SPAG16: variants seen among roughly 807,000 people sequenced by gnomAD.
SPAG16 encodes the protein sperm associated antigen 16.
Under a neutral mutation model 80.4 loss-of-function variants are expected in SPAG16, and 86 were observed. The ratio of observed to expected loss-of-function variants is 1.07; its 90% CI spans 0.90 to 1.28. The LOEUF (loss-of-function observed/expected upper bound fraction) is 1.28. Among genes scored for constraint, SPAG16 ranks in the 50% most tolerant of loss-of-function variants. SPAG16 has a pLI of 0.00. For synonymous variants in SPAG16, 294 were observed against 265.9 expected, an observed-to-expected ratio of 1.11 and a Z score of -1.03; for missense variants, 870 against 765.3, an observed-to-expected ratio of 1.14 and a Z score of -1.61.
intron 15 of SPAG16, among the ~76,000 whole-genome samples, chr2:214,396,202 T>C (rs1397349379): frequency 6.6e-6 from 1 of 152,196 alleles, no homozygotes; most frequent in Non-Finnish European, 1.5e-5. Context: ...TAGTCCTTTA[T>C]GAGGTATGTC....
At chr2:213,886,839 T>C (rs938192260) in intron 11 of SPAG16, among the ~76,000 whole-genome samples, 1 of 152,012 alleles carries the variant, frequency 6.6e-6, no homozygotes, top group East Asian at 1.9e-4. Flanking sequence ...TGAAGATGAC[T>C]AAAACCATTT....
chr2:214,373,816 C>T (rs1254461277), intron 15 of SPAG16, among the ~76,000 whole-genome samples: 3 of 152,160 alleles, frequency 2.0e-5, no homozygotes, highest in East Asian at 1.9e-4. Flanking sequence ...TTTACTTTCT[C>T]ATAGCAACAG....
intron 15 of SPAG16, among the ~76,000 whole-genome samples, chr2:214,353,964 A>T (rs1416274584): frequency 6.6e-6 from 1 of 152,070 alleles, no homozygotes; most frequent in African/African-American, 2.4e-5. Flanking sequence ...GTCTCTTCCC[A>T]TTCATGCTCC....
intron 12 of SPAG16, among the ~76,000 whole-genome samples, chr2:214,003,377 T>C (rs549170838): frequency 1.3e-5 from 2 of 152,360 alleles, no homozygotes; most frequent in African/African-American, 2.4e-5. Flanking sequence ...CAATTCTTGA[T>C]GATCTAAGTT....
At position 213,620,281 on chromosome 2, in the gene SPAG16, G is replaced by GTTTT. The variant is rs36059669; in HGVS notation, c.1070+130217_1070+130220dup. Among the ~76,000 whole-genome samples, 805 of 82,824 alleles carry GTTTT rather than the reference G, an allele frequency of 9.7e-3. 146 individuals carry two copies. The highest frequency in any genetic ancestry group is 0.04 in the African/African-American group (754 of 18,970). 54.3% of individuals were successfully genotyped at this position (82,824 alleles called of 152,430 possible). A position where few individuals can be genotyped will look rare whatever the true frequency, so the allele number is the denominator to read the frequency against. On this transcript the variant is annotated intron_variant, in intron 10 of 15. Coordinates refer to ENST00000331683, the MANE Select transcript of SPAG16 (RefSeq NM_024532.5). ...AATGTAGTTAACAATAATTTATTGA[G>GTTTT]TTTTTTTTTTTTTTTTTTTTTTTTT... is the stretch of plus-strand genomic sequence containing the variant.
At position 213,696,781 on chromosome 2, in the gene SPAG16, A is replaced by C. The variant is rs907827658; in HGVS notation, c.1071-165704A>C. ...ATAAGAACTATTTCAACTGAATTGG[A>C]GTCATTTGAGGAGAGAATGGGAGGT... On this transcript the variant is annotated intron_variant, in intron 10 of 15. Coordinates refer to ENST00000331683, the MANE Select transcript of SPAG16 (RefSeq NM_024532.5). 5.9e-5 allele frequency among the ~76,000 whole-genome samples: 9 copies of C among 152,106 alleles called. 1 individual carries two copies. The highest frequency in any genetic ancestry group is 2.0e-4 in the Admixed American group (3 of 15,268).
chr2:214,324,634 C>A (rs567091518), intron 15 of SPAG16, among the ~76,000 whole-genome samples: 2 of 152,024 alleles, frequency 1.3e-5, no homozygotes, highest in Non-Finnish European at 2.9e-5. Context: ...TGCCAACCCA[C>A]GTCTGTGTAG....
intron 12 of SPAG16, among the ~76,000 whole-genome samples, chr2:213,989,062 G>A (rs2046157738): frequency 6.6e-6 from 1 of 152,034 alleles, no homozygotes; most frequent in South Asian, 2.1e-4. Flanking sequence ...TGCTGGGTCA[G>A]GTTGTGGGAT....
At chr2:213,576,521 C>T (rs184122603) in intron 10 of SPAG16, among the ~76,000 whole-genome samples, 8 of 152,144 alleles carry the variant, frequency 5.3e-5, no homozygotes, top group East Asian at 3.9e-4. Context: ...GTTGTATGCA[C>T]GCATATGTTC....
intron 10 of SPAG16, among the ~76,000 whole-genome samples, chr2:213,687,657 TG>T (rs1232936018): frequency 2.6e-5 from 4 of 152,216 alleles, no homozygotes; most frequent in African/African-American, 4.8e-5. Flanking sequence ...TAAAGGCATA[TG>T]TTTTTTTGTC....
At chr2:213,731,440 G>A (rs1419478758) in intron 10 of SPAG16, among the ~76,000 whole-genome samples, 16 of 149,912 alleles carry the variant, frequency 1.1e-4, no homozygotes, top group Non-Finnish European at 1.2e-4. Context: ...GATTACAGGC[G>A]TGAGCCACCA....
At chr2:213,842,572 A>G (rs537677590) in intron 10 of SPAG16, among the ~76,000 whole-genome samples, 1 of 149,180 alleles carries the variant, frequency 6.7e-6, no homozygotes, top group African/African-American at 2.4e-5. Context: ...TGCCAAACTA[A>G]CATTTTGTTT....
chr2:213,733,330 G>A (rs1042503921), intron 10 of SPAG16, among the ~76,000 whole-genome samples: 4 of 150,308 alleles, frequency 2.7e-5, no homozygotes, highest in African/African-American at 9.8e-5. Context: ...CACATTTTTT[G>A]TTGTGACAGG....
chr2:213,388,500 G>T (rs1030866280), intron 9 of SPAG16, among the ~76,000 whole-genome samples: 2 of 152,182 alleles, frequency 1.3e-5, no homozygotes, highest in African/African-American at 4.8e-5. Flanking sequence ...ATAGGTGGAG[G>T]CTCAGAAAAG....
intron 10 of SPAG16, among the ~76,000 whole-genome samples, chr2:213,544,187 G>A (rs1246978988): frequency 6.6e-6 from 1 of 151,004 alleles, no homozygotes; most frequent in Non-Finnish European, 1.5e-5. Flanking sequence ...TAACTTCTTT[G>A]ACTTTATCTT....
rs17700988 is a variant in SPAG16, at chr2:213,487,746, T to A, written c.943-2217T>A. Among the ~76,000 whole-genome samples the A allele has an allele frequency of 8.5e-3, 1,299 of 152,266 alleles. 15 individuals carry two copies. Among genetic ancestry groups the A allele is most frequent in the Middle Eastern group, 0.027 (8 of 294 alleles). On this transcript the variant is annotated intron_variant, in intron 9 of 15. Coordinates refer to ENST00000331683, the MANE Select transcript of SPAG16 (RefSeq NM_024532.5). The stretch of plus-strand genomic sequence containing the variant: ...GTTTAACAATGCTTATAAAAATTGC[T>A]GTGTTTATGGTTTCAGATATTTTCA...
At chr2:214,212,895 A>G (rs1388521927) in intron 15 of SPAG16, among the ~76,000 whole-genome samples, 5 of 152,226 alleles carry the variant, frequency 3.3e-5, no homozygotes. Flanking sequence ...TGCACAGCAC[A>G]CTAGAACATG....
chr2:214,104,716 T>C (rs1445617945), intron 13 of SPAG16, among the ~76,000 whole-genome samples: 1 of 152,154 alleles, frequency 6.6e-6, no homozygotes, highest in African/African-American at 2.4e-5. Context: ...AATCAACAAG[T>C]CTTCTTTTGC....
chr2:213,956,513 T>A (rs2044149765), intron 12 of SPAG16, among the ~76,000 whole-genome samples: 1 of 149,178 alleles, frequency 6.7e-6, no homozygotes, highest in South Asian at 2.1e-4. Context: ...AGTGGTGTAA[T>A]CTCGGCTCAC....
Sources: allele counts gnomAD v4.1 joint callset (sites outside exome capture counted in the v4.1 genomes callset), GRCh38; gene constraint gnomAD v4.1.1; transcripts MANE v1.5; gene names NCBI Gene and HGNC (gene_info 2026-07-23, HGNC 2026-07-21).